Variants in MTMR3 observed in about 807,000 individuals in gnomAD.
MTMR3 encodes myotubularin related protein 3.
MTMR3 carries 32 observed loss-of-function variants against 132.4 expected under a neutral mutation model. The observed-to-expected ratio is 0.24, with a 90% CI of 0.18 to 0.32. MTMR3 has a LOEUF of 0.32. Ranked by LOEUF, MTMR3 falls within the 10% of genes least tolerant of loss-of-function variation. The pLI, the probability that MTMR3 is intolerant of heterozygous loss-of-function variation, is 1.00. For missense variants in MTMR3, 1,216 were observed against 1,489.6 expected (o/e 0.82, Z 3.02); for synonymous variants, 556 against 550.3 (o/e 1.01, Z -0.14).
intron 1 of MTMR3, among the ~76,000 whole-genome samples, chr22:29,906,306 A>G (rs35697708): frequency 0.12 from 13,720 of 111,892 alleles, 667 homozygotes; most frequent in Middle Eastern, 0.21. Context: ...CTATCTATCT[A>G]TCTATCTATC....
At chr22:29,921,738 T>C (rs1410830671) in intron 1 of MTMR3, among the ~76,000 whole-genome samples, 2 of 152,186 alleles carry the variant, frequency 1.3e-5, no homozygotes, top group Admixed American at 6.5e-5. Flanking sequence ...CTTTGTGAAT[T>C]TAACTACCGT....
At chr22:29,963,897 C>T (rs1336082064) in intron 2 of MTMR3, among the ~76,000 whole-genome samples, 1 of 151,000 alleles carries the variant, frequency 6.6e-6, no homozygotes, top group African/African-American at 2.4e-5. Context: ...ATAGCCCATC[C>T]CACCTTTGGG....
At chr22:29,960,864 T>C (rs1402120987) in intron 2 of MTMR3, among the ~76,000 whole-genome samples, 2 of 152,206 alleles carry the variant, frequency 1.3e-5, no homozygotes, top group East Asian at 1.9e-4. Context: ...TTAAAACTTA[T>C]TTTGAGTTTT....
At position 30,022,139 on chromosome 22, in the gene MTMR3, G is replaced by A; in HGVS notation, c.3336G>A (p.Glu1112=). 1 of 1,610,156 alleles carries A rather than the reference G, an allele frequency of 6.2e-7. No individual in the cohort carries two copies. Among genetic ancestry groups the A allele is most frequent in the African/African-American group, 1.3e-5 (1 of 74,936 alleles). Residue 1112 remains glutamate (E), a splice_region_variant and synonymous_variant, in exon 18 of 20, where the codon GAG becomes GAA. Coordinates refer to ENST00000401950, the MANE Select transcript of MTMR3 (RefSeq NM_021090.4). ...SWEQVDKQDT[E]MTRWLPDHLA... is the part of the protein sequence containing the mutation. ...AGCAGGTGGATAAACAGGACACAGA[G>A]GTACAGGCTCAGCCCCTGCTCTGAG...
Position 30,018,051 on chromosome 22 carries a change from C to T in MTMR3, c.1799C>T (p.Pro600Leu). The change falls in exon 16 of 20, where the codon CCT becomes CTT. Residue 600 changes from proline to leucine, a missense_variant. Physicochemically the swap from Pro to Leu is moderately conservative, Grantham distance 98 (BLOSUM62 -3). Coordinates refer to ENST00000401950, the MANE Select transcript of MTMR3 (RefSeq NM_021090.4). ...CCATACCCAGCCCCAGGCACCAGCC[C>T]TGATGATCCCCCCCTGAGCCGGTGA... ...CAPYPAPGTS[P>L]DDPPLSRLPK... is the part of the protein sequence containing the mutation. 6.2e-7 allele frequency: 1 copy of T among 1,610,518 alleles called. No homozygotes were observed. Among genetic ancestry groups the T allele is most frequent in the Non-Finnish European group, 8.5e-7 (1 of 1,178,936 alleles).
intron 6 of MTMR3, chr22:29,990,573 C>G (rs1463722560): frequency 2.6e-5 from 4 of 152,050 alleles, no homozygotes; most frequent in Non-Finnish European, 5.9e-5. Context: ...TTAAACAAAT[C>G]TTTATTTTTA....
chr22:29,942,054 C>T lies in MTMR3; in HGVS notation c.-137-14982C>T, dbSNP rs541351604. Among the ~76,000 whole-genome samples, 5 of 152,130 alleles carry T rather than the reference C, an allele frequency of 3.3e-5. No individual in the cohort carries two copies. The South Asian group carries it at 8.3e-4, about 25-fold the overall frequency. Reference sequence around the variant, plus strand: ...GCCTTTAGTTTTTGGATATGTTGACCCTTCTGTGACACCTTGGTCCACATG... The same window carrying T: ...GCCTTTAGTTTTTGGATATGTTGACTCTTCTGTGACACCTTGGTCCACATG... On this transcript the variant is annotated intron_variant, in intron 1 of 19. Coordinates refer to ENST00000401950, the MANE Select transcript of MTMR3 (RefSeq NM_021090.4).
At chr22:29,912,581 G>A (rs1213125433) in intron 1 of MTMR3, among the ~76,000 whole-genome samples, 1 of 152,152 alleles carries the variant, frequency 6.6e-6, no homozygotes, top group Non-Finnish European at 1.5e-5. Context: ...ACCTGGCCTT[G>A]TCTTGCTTTT....
At position 30,020,848 on chromosome 22, in the gene MTMR3, C is replaced by T. The variant is rs544945778; in HGVS notation, c.3189C>T (p.Ser1063=). 9 of 1,603,630 alleles carry T rather than the reference C, an allele frequency of 5.6e-6. No individual in the cohort carries two copies. The Admixed American group carries it at 1.4e-4, about 24-fold the overall frequency. ...GCCTGGAGAGCCAGTACCTGACCAG[C>T]TCCCTACACTTTAATGGAGACTTTG... ...KSRLESQYLT[S]SLHFNGDFGD... is the part of the protein sequence containing the mutation. Residue 1063 remains serine (S), a synonymous_variant, in exon 17 of 20, where the codon AGC becomes AGT. Coordinates refer to ENST00000401950, the MANE Select transcript of MTMR3 (RefSeq NM_021090.4).
rs569327780 is a variant in MTMR3, at chr22:30,019,644, C to T, written c.1985C>T (p.Ser662Phe). Residue 662 changes from serine (S) to phenylalanine (F), a missense_variant, in exon 17 of 20, where the codon TCT becomes TTT. Around this residue, in one of 7 missense-constraint regions of MTMR3, gnomAD observed 852 missense variants for 852.0 expected, o/e 1.00. Transcript: ENST00000401950. ...GCTGGCCCTGGAGAGGATCCCCTTT[C>T]TGCCGACAGCCTAGGGAAGCCCACC... ...SLAGPGEDPL[S>F]ADSLGKPTRV... is the part of the protein sequence containing the mutation. 1 of 1,614,106 alleles carries T rather than the reference C, an allele frequency of 6.2e-7. No individual in the cohort carries two copies. The highest frequency in any genetic ancestry group is 1.1e-5 in the South Asian group (1 of 91,092).
chr22:29,923,412 C>T (rs1176858819), intron 1 of MTMR3, among the ~76,000 whole-genome samples: 3 of 151,510 alleles, frequency 2.0e-5, no homozygotes, highest in African/African-American at 4.9e-5. Context: ...GCCATGTTTC[C>T]CAGGCTGGTC....
At position 30,025,726 on chromosome 22, in the gene MTMR3, C is replaced by G; in HGVS notation, c.3522C>G (p.Cys1174Trp). ...AACCCAGTCGAGTATGCAAGTCTTGCTATAGCAGCCTACATCCCACAAGCT... is the reference window on the plus strand; with the variant it reads ...AACCCAGTCGAGTATGCAAGTCTTGGTATAGCAGCCTACATCCCACAAGCT... ...LFEPSRVCKS[C>W]YSSLHPTSSS... The change falls in exon 20 of 20, where the codon TGC becomes TGG. Residue 1174 changes from cysteine to tryptophan, a missense_variant. By Grantham distance (215) the Cys-to-Trp change is radical (BLOSUM62 -2). Around this residue, in one of 7 missense-constraint regions of MTMR3, gnomAD observed 852 missense variants for 852.0 expected, o/e 1.00. Transcript: ENST00000401950. 2 of 1,614,168 alleles carry G rather than the reference C, an allele frequency of 1.2e-6. No homozygotes were observed. Among genetic ancestry groups the G allele is most frequent in the Non-Finnish European group, 1.7e-6 (2 of 1,180,000 alleles).
At chr22:29,977,469 A>T (rs1018033327) in intron 3 of MTMR3, among the ~76,000 whole-genome samples, 1 of 152,218 alleles carries the variant, frequency 6.6e-6, no homozygotes, top group African/African-American at 2.4e-5. Flanking sequence ...CCTCTTTTGA[A>T]ATTGTCTTAA....
chr22:29,894,210 C>A (rs548980061), intron 1 of MTMR3, among the ~76,000 whole-genome samples: 1 of 152,192 alleles, frequency 6.6e-6, no homozygotes, highest in African/African-American at 2.4e-5. Context: ...GTCGCACTCA[C>A]CATTGAGAAA....
chr22:29,952,596 G>A (rs2066105415), intron 1 of MTMR3, among the ~76,000 whole-genome samples: 1 of 152,134 alleles, frequency 6.6e-6, no homozygotes, highest in African/African-American at 2.4e-5. Flanking sequence ...GTAAGGGTAG[G>A]AACTTTGTTT....
At chr22:29,979,910 CT>C (rs1754489652) in intron 5 of MTMR3, 1 of 152,202 alleles carries the variant, frequency 6.6e-6, no homozygotes, top group Non-Finnish European at 1.5e-5. Flanking sequence ...TACATTTACC[CT>C]TTTCAGTTAT....
Position 29,979,087 on chromosome 22 carries a change from A to G in MTMR3, c.210+35A>G, listed in dbSNP as rs745411055. On this transcript the variant is annotated intron_variant, in intron 5 of 19. Coordinates refer to ENST00000401950, the MANE Select transcript of MTMR3 (RefSeq NM_021090.4). ...TACCAGCTGTTCTCCCTCTAAGGTA[A>G]ATGGAGAAAGTAAGTCAAAAAACTT... 6 of 1,410,122 alleles carry G rather than the reference A, an allele frequency of 4.3e-6. No individual in the cohort carries two copies. In the Admixed American group the frequency reaches 1.0e-4, roughly 24 times the overall value. 87.4% of individuals were successfully genotyped at this position (1,410,122 alleles called of 1,614,324 possible). A position where few individuals can be genotyped will look rare whatever the true frequency, so the allele number is the denominator to read the frequency against.
chr22:29,953,752 A>G (rs565464478), intron 1 of MTMR3, among the ~76,000 whole-genome samples: 1 of 152,246 alleles, frequency 6.6e-6, no homozygotes, highest in East Asian at 1.9e-4. Context: ...AGGTGTATTT[A>G]TTTATACCCC....
Position 30,007,955 on chromosome 22 carries a change from A to C in MTMR3, c.932A>C (p.Lys311Thr), listed in dbSNP as rs112029053. ...GAGAGTTTAGCCATCCAACCGCAGA[A>C]GCTTTTGATCTTGGATGCACGCTCC... is the stretch of plus-strand genomic sequence containing the variant. ...GAESLAIQPQKLLILDARSYA... is the reference protein window; with the variant it reads ...GAESLAIQPQTLLILDARSYA... Residue 311 changes from lysine to threonine, a missense_variant, in exon 11 of 20, where the codon AAG becomes ACG. Physicochemically the swap from Lys to Thr is moderately conservative, Grantham distance 78. Transcript: ENST00000401950. 1 of 1,613,648 alleles carries C rather than the reference A, an allele frequency of 6.2e-7. No individual in the cohort carries two copies. The highest frequency in any genetic ancestry group is 1.1e-5 in the South Asian group (1 of 91,046).
Sources: allele counts gnomAD v4.1 joint callset (sites outside exome capture counted in the v4.1 genomes callset), GRCh38; gene constraint gnomAD v4.1.1; regional missense constraint gnomAD v4.1.1; transcripts MANE v1.5; gene names NCBI Gene and HGNC (gene_info 2026-07-23, HGNC 2026-07-21).